Variants in UGT1A6 observed in about 807,000 individuals in gnomAD.
UGT1A6 encodes UDP glucuronosyltransferase family 1 member A6.
A neutral mutation model predicts 44.4 loss-of-function variants in UGT1A6; 32 were observed. That is an observed-to-expected ratio of 0.72 (90% CI 0.54 to 0.97). The LOEUF is 0.97. Ranked by LOEUF, UGT1A6 falls within the 50% of genes least tolerant of loss-of-function variation. The probability of loss-of-function intolerance (pLI) is 0.00; values close to 1 mark genes in which losing one functional copy is unlikely to be tolerated. For synonymous variants in UGT1A6, 238 were observed against 248.5 expected (o/e 0.96, Z 0.40); for missense variants, 685 against 661.9 (o/e 1.03, Z -0.38).
chr2:233,719,410 T>G, intron 1 of UGT1A6: 1 of 1,613,994 alleles, frequency 6.2e-7, no homozygotes, highest in African/African-American at 1.3e-5. Context: ...ATTCCTAAGT[T>G]ACTAACGACC....
chr2:233,730,856 C>T (rs1409792373), intron 1 of UGT1A6, among the ~76,000 whole-genome samples: 1 of 152,142 alleles, frequency 6.6e-6, no homozygotes, highest in Non-Finnish European at 1.5e-5. Flanking sequence ...TCACCAAACC[C>T]ACCCTACTGC....
chr2:233,713,499 G>A, intron 1 of UGT1A6: 4 of 1,614,000 alleles, frequency 2.5e-6, no homozygotes, highest in Middle Eastern at 1.7e-4. Flanking sequence ...GATTCCTGCT[G>A]TGTTTTTCTT....
At chr2:233,728,696 G>T (rs930449968) in intron 1 of UGT1A6, among the ~76,000 whole-genome samples, 26 of 152,206 alleles carry the variant, frequency 1.7e-4, no homozygotes, top group African/African-American at 6.3e-4. Context: ...TCAAGGGTTA[G>T]CAAATAGGGT....
At chr2:233,724,307 C>CCCGGACGGGGCGGCTGG (rs2077215431) in intron 1 of UGT1A6, among the ~76,000 whole-genome samples, 2 of 146,974 alleles carry the variant, frequency 1.4e-5, no homozygotes, top group African/African-American at 5.0e-5. Context: ...CCACCTCCCT[C>CCCGGACGGGGCGGCTGG]CCGGACGGGG....
intron 1 of UGT1A6, among the ~76,000 whole-genome samples, chr2:233,707,521 GTTTTTC>G (rs2075966765): frequency 7.5e-6 from 1 of 134,020 alleles, no homozygotes; most frequent in Non-Finnish European, 1.6e-5. Context: ...GAATTTTACT[GTTTTTC>G]TTTGTCTTGC....
rs1559346509 is a variant in UGT1A6, at chr2:233,693,590, T to C, written c.586T>C (p.Tyr196His). 1 of 1,614,248 alleles carries C rather than the reference T, an allele frequency of 6.2e-7. No individual in the cohort carries two copies. The highest frequency in any genetic ancestry group is 8.5e-7 in the Non-Finnish European group (1 of 1,180,030). ...CCCTGTGTCCTACATTCCCAGGTGC[T>C]ACACAAAGTTTTCAGACCACATGAC... ...PDPVSYIPRC[Y>H]TKFSDHMTFS... Residue 196 changes from tyrosine (Y) to histidine (H), a missense_variant, in exon 1 of 5, where the codon TAC (tyrosine) becomes CAC (histidine). By Grantham distance (83) the Tyr-to-His change is moderately conservative (BLOSUM62 2). Transcript: ENST00000305139.
intron 1 of UGT1A6, among the ~76,000 whole-genome samples, chr2:233,707,931 A>G (rs1386071034): frequency 6.6e-6 from 1 of 152,216 alleles, no homozygotes; most frequent in Non-Finnish European, 1.5e-5. Context: ...AAATATACTT[A>G]TCAGTCATTT....
chr2:233,730,496 A>G (rs888211040), intron 1 of UGT1A6, among the ~76,000 whole-genome samples: 3 of 152,218 alleles, frequency 2.0e-5, no homozygotes, highest in Admixed American at 6.5e-5. Context: ...TAGAAGTGTC[A>G]GAGAGGTTGA....
Position 233,767,871 on chromosome 2 carries a change from C to G in UGT1A6, c.1016C>G (p.Thr339Ser). The stretch of plus-strand genomic sequence containing the variant: ...CAGGTCCTGTGGCGGTACACTGGAA[C>G]CCGACCATCGAATCTTGCGAACAAC... ...PQTVLWRYTG[T>S]RPSNLANNTI... The change falls in exon 3 of 5, where the codon ACC becomes AGC. Residue 339 changes from threonine to serine, a missense_variant. Coordinates refer to ENST00000305139, the MANE Select transcript of UGT1A6 (RefSeq NM_001072.4). The G allele has an allele frequency of 6.2e-7, 1 of 1,614,154 alleles. No homozygotes were observed. Among genetic ancestry groups the G allele is most frequent in the Non-Finnish European group, 8.5e-7 (1 of 1,180,040 alleles).
At chr2:233,751,711 C>G (rs1187587643) in intron 1 of UGT1A6, among the ~76,000 whole-genome samples, 1 of 152,190 alleles carries the variant, frequency 6.6e-6, no homozygotes, top group Non-Finnish European at 1.5e-5. Context: ...TCCTCCTTCA[C>G]TCACAAGTGA....
At position 233,724,363 on chromosome 2, in the gene UGT1A6, CG is replaced by C. The variant is rs1443552589; in HGVS notation, c.861+30502del. On this transcript the variant is annotated intron_variant, in intron 1 of 4. Transcript: ENST00000305139. Reference sequence around the variant, plus strand: ...TGACCCCCCCCACCTCCCTCCCGGACGGGGTGGCTGCCGGGCGGAGACGCTC... The same window carrying C: ...TGACCCCCCCCACCTCCCTCCCGGACGGGTGGCTGCCGGGCGGAGACGCTC... Among the ~76,000 whole-genome samples the C allele has an allele frequency of 1.2e-4, 16 of 136,858 alleles. 1 individual carries two copies. The highest frequency in any genetic ancestry group is 2.1e-4 in the Non-Finnish European group (13 of 62,642). 89.8% of individuals were successfully genotyped at this position (136,858 alleles called of 152,430 possible). A position where few individuals can be genotyped will look rare whatever the true frequency, so the allele number is the denominator to read the frequency against.
chr2:233,767,666 C>T (rs143192680), intron 2 of UGT1A6, among the ~76,000 whole-genome samples, 183 bp from the exon 3 acceptor site: 1 of 152,190 alleles, frequency 6.6e-6, no homozygotes, highest in East Asian at 1.9e-4. Flanking sequence ...ACCCTTGTAA[C>T]TAAACCTCCA....
At chr2:233,760,948 T>G (rs746225571) in intron 1 of UGT1A6, 7 of 1,614,204 alleles carry the variant, frequency 4.3e-6, no homozygotes, top group Non-Finnish European at 5.9e-6. Flanking sequence ...TTCACAGAAC[T>G]TTCTGTGCGA....
rs552863758 is a variant in UGT1A6 at position 233,736,767 on chromosome 2, G to A, written c.862-30267G>A. Among the ~76,000 whole-genome samples, 7 of 152,324 alleles carry A rather than the reference G, an allele frequency of 4.6e-5. No individual in the cohort carries two copies. In the South Asian group the frequency reaches 1.2e-3, roughly 27 times the overall value. On this transcript the variant is annotated intron_variant, in intron 1 of 4. Transcript: ENST00000305139. ...CTGTTTGTTAGTTTTCCTTCTAACA[G>A]TCAGATCCCTCAGCTGCAGGTCTGT... is the stretch of plus-strand genomic sequence containing the variant.
intron 1 of UGT1A6, among the ~76,000 whole-genome samples, chr2:233,758,818 TC>T (rs963233717): frequency 6.6e-6 from 1 of 151,974 alleles, no homozygotes; most frequent in South Asian, 2.1e-4. Context: ...CAGCAGTATA[TC>T]CCCCCCAAAA....
chr2:233,709,539 A>G (rs537926734), intron 1 of UGT1A6, among the ~76,000 whole-genome samples: 8 of 152,276 alleles, frequency 5.3e-5, no homozygotes, highest in Non-Finnish European at 5.9e-5. Flanking sequence ...CTACTGTGAT[A>G]TATGTAAGTA....
intron 1 of UGT1A6, among the ~76,000 whole-genome samples, chr2:233,697,477 C>G (rs966758556): frequency 6.7e-6 from 1 of 149,952 alleles, no homozygotes; most frequent in African/African-American, 2.4e-5. Flanking sequence ...CTTAGTCTAG[C>G]TCAAGGTTTG....
intron 1 of UGT1A6, among the ~76,000 whole-genome samples, chr2:233,739,752 C>A (rs1309875267): frequency 1.3e-5 from 2 of 152,166 alleles, no homozygotes; most frequent in Non-Finnish European, 2.9e-5. Context: ...GGACTATGGA[C>A]TTTTGAGCTA....
chr2:233,743,897 A>G (rs1231389302), intron 1 of UGT1A6: 4 of 1,366,642 alleles, frequency 2.9e-6, no homozygotes, highest in Non-Finnish European at 3.9e-6. Flanking sequence ...CACGTCCAGC[A>G]CCTCGTAGTA....
Sources: gnomAD v4.1 joint callset for allele counts (sites outside exome capture counted in the v4.1 genomes callset) on GRCh38, gnomAD v4.1.1 for gene constraint, MANE v1.5 for transcripts, NCBI Gene and HGNC (gene_info 2026-07-23, HGNC 2026-07-21) for gene names.